The following FAF1 variants were observed in gnomAD, a reference collection of about 807,000 sequenced individuals.
The protein encoded by FAF1 is Fas associated factor 1, also known as FAS-associated factor 1.
Under a neutral mutation model 92.5 loss-of-function variants are expected in FAF1, and 25 were observed. The observed-to-expected ratio is 0.27, with a 90% confidence interval of 0.20 to 0.38. FAF1 has a LOEUF of 0.38. Among genes scored for constraint, FAF1 ranks in the 10% least tolerant of loss-of-function variants. The pLI is 1.00. For synonymous variants in FAF1, 234 were observed against 273.2 expected (o/e 0.86, Z 1.42); for missense variants, 636 against 793.3 (o/e 0.80, Z 2.38).
chr1:50,690,371 C>G (rs1334647349), intron 7 of FAF1, among the ~76,000 whole-genome samples: 1 of 152,064 alleles, frequency 6.6e-6, no homozygotes, highest in Admixed American at 6.5e-5. Context: ...TTTGGGAGGC[C>G]AAGGTGGGCA....
chr1:50,551,247 G>C (rs1392353843), intron 13 of FAF1, among the ~76,000 whole-genome samples: 1 of 152,126 alleles, frequency 6.6e-6, no homozygotes, highest in Non-Finnish European at 1.5e-5. Context: ...TATACAGAGG[G>C]AAAATAAGAG....
intron 7 of FAF1, among the ~76,000 whole-genome samples, chr1:50,698,786 G>C (rs1405443408): frequency 6.6e-6 from 1 of 151,976 alleles, no homozygotes; most frequent in African/African-American, 2.4e-5. Context: ...ACATTAATAT[G>C]AATCAAATTT....
intron 2 of FAF1, chr1:50,846,737 G>T: frequency 3.0e-6 from 2 of 675,092 alleles, no homozygotes; most frequent in South Asian, 1.4e-5. Context: ...TGATTAGACC[G>T]AATATTGTCA....
intron 3 of FAF1, among the ~76,000 whole-genome samples, chr1:50,799,402 CT>C (rs2124589304): frequency 6.6e-6 from 1 of 152,218 alleles, no homozygotes; most frequent in South Asian, 2.1e-4. Flanking sequence ...GTTTCTTTCC[CT>C]TGGAGTTTAT....
At chr1:50,836,928 T>A (rs1304560215) in intron 2 of FAF1, among the ~76,000 whole-genome samples, 2 of 150,586 alleles carry the variant, frequency 1.3e-5, no homozygotes, top group South Asian at 4.2e-4. Context: ...TCCAATTGTC[T>A]CTTACAAGTG....
chr1:50,946,012 C>A (rs1228605763), intron 1 of FAF1, among the ~76,000 whole-genome samples: 1 of 152,206 alleles, frequency 6.6e-6, no homozygotes, highest in Non-Finnish European at 1.5e-5. Context: ...GAATTAATGA[C>A]CCCACTGAGC....
At chr1:50,606,972 G>A (rs1652459274) in intron 8 of FAF1, 1 of 152,112 alleles carries the variant, frequency 6.6e-6, no homozygotes, top group South Asian at 2.1e-4. Flanking sequence ...AAGAACAACA[G>A]GCTATTGGAG....
chr1:50,810,397 C>T (rs1643893562), intron 2 of FAF1, among the ~76,000 whole-genome samples: 1 of 151,936 alleles, frequency 6.6e-6, no homozygotes, highest in African/African-American at 2.4e-5. Flanking sequence ...GTTAAAAAAC[C>T]CTCAACAAAC....
intron 8 of FAF1, among the ~76,000 whole-genome samples, chr1:50,602,318 A>C (rs1279797995): frequency 3.3e-5 from 5 of 152,332 alleles, no homozygotes; most frequent in South Asian, 4.1e-4. Context: ...AGATTTGGGA[A>C]TGCTACCGGA....
chr1:50,472,138 C>A (rs1297916806), intron 18 of FAF1, among the ~76,000 whole-genome samples: 1 of 151,890 alleles, frequency 6.6e-6, no homozygotes, highest in Non-Finnish European at 1.5e-5. Flanking sequence ...GAGCTGGCAG[C>A]AATCCCTTAC....
chr1:50,695,627 A>G (rs1657165993), intron 7 of FAF1, among the ~76,000 whole-genome samples: 1 of 152,114 alleles, frequency 6.6e-6, no homozygotes, highest in South Asian at 2.1e-4. Context: ...ATTTCTCTCT[A>G]TAAGACAAAG....
rs953118249 is a variant in FAF1 at position 50,622,907 on chromosome 1, T to C, written c.745-26691A>G. Among the ~76,000 whole-genome samples the C allele has an allele frequency of 9.9e-4, 151 of 152,294 alleles. 2 individuals carry two copies. The highest frequency in any genetic ancestry group is 3.6e-3 in the African/African-American group (150 of 41,568). On this transcript the variant is annotated intron_variant, in intron 8 of 18. Transcript: ENST00000396153. ...TAAATGAGAGGTAGCTTGAAGTTTCTTTTAGATTCTACCCTTATTCCTCAA... is the reference window on the plus strand; with the variant it reads ...TAAATGAGAGGTAGCTTGAAGTTTCCTTTAGATTCTACCCTTATTCCTCAA...
At chr1:50,517,993 GATT>G (rs1647279407) in intron 15 of FAF1, among the ~76,000 whole-genome samples, 1 of 151,980 alleles carries the variant, frequency 6.6e-6, no homozygotes. Context: ...CAGTAAAATG[GATT>G]ATTTTTAATG....
intron 6 of FAF1, among the ~76,000 whole-genome samples, chr1:50,726,023 G>A (rs1658635297): frequency 1.3e-5 from 2 of 152,082 alleles, no homozygotes; most frequent in South Asian, 4.1e-4. Flanking sequence ...GGGAGGCCAA[G>A]GAAGGTGGAT....
chr1:50,849,657 C>T lies in FAF1; in HGVS notation c.114+8272G>A, dbSNP rs577808106. Among the ~76,000 whole-genome samples the T allele has an allele frequency of 3.9e-5, 6 of 152,194 alleles. No individual in the cohort carries two copies. In the South Asian group the frequency reaches 1.0e-3, roughly 26 times the overall value. Reference sequence around the variant, plus strand: ...ATGACTGACTATATAGGCTACTAACCTCTAGACTATATAGACTACTAACCT... The same window carrying T: ...ATGACTGACTATATAGGCTACTAACTTCTAGACTATATAGACTACTAACCT... On this transcript the variant is annotated intron_variant, in intron 2 of 18. Transcript: ENST00000396153.
intron 1 of FAF1, among the ~76,000 whole-genome samples, chr1:50,912,526 T>C (rs993043155): frequency 7.2e-5 from 11 of 152,194 alleles, no homozygotes; most frequent in Admixed American, 1.3e-4. Context: ...AAAAAGATGA[T>C]TGAATTATAC....
intron 13 of FAF1, among the ~76,000 whole-genome samples, chr1:50,550,929 G>A (rs1649283518): frequency 6.6e-6 from 1 of 152,118 alleles, no homozygotes; most frequent in South Asian, 2.1e-4. Flanking sequence ...GCTCTCAGGT[G>A]TGTGATCTGG....
chr1:50,619,512 T>G (rs984234866), intron 8 of FAF1, among the ~76,000 whole-genome samples: 1 of 152,212 alleles, frequency 6.6e-6, no homozygotes, highest in Non-Finnish European at 1.5e-5. Context: ...TGCTGGGATA[T>G]GAAATTCTTG....
Position 50,846,410 on chromosome 1 carries a change from G to A in FAF1, c.114+11519C>T, listed in dbSNP as rs540890533. On this transcript the variant is annotated intron_variant, in intron 2 of 18. Coordinates refer to ENST00000396153, the MANE Select transcript of FAF1 (RefSeq NM_007051.3). ...AGGTCCCCGCCATCCCTGCCATCCCGCCCCTTCGCGTCCTGGGAACCAGCT... is the reference window on the plus strand; with the variant it reads ...AGGTCCCCGCCATCCCTGCCATCCCACCCCTTCGCGTCCTGGGAACCAGCT... 49 of 377,160 alleles carry A rather than the reference G, an allele frequency of 1.3e-4. 1 individual carries two copies. The highest frequency in any genetic ancestry group is 7.8e-4 in the South Asian group (38 of 48,622). The allele number at this position is 377,160 out of a possible 1,614,324, so 23.4% of individuals were successfully genotyped here.
Sources: gnomAD v4.1 joint callset for allele counts (sites outside exome capture counted in the v4.1 genomes callset) on GRCh38, gnomAD v4.1.1 for gene constraint, MANE v1.5 for transcripts, NCBI Gene and HGNC (gene_info 2026-07-23, HGNC 2026-07-21) for gene names.